The following TMEM117 variants were observed in gnomAD, a reference collection of about 807,000 sequenced individuals.
TMEM117 encodes transmembrane protein 117.
A neutral mutation model predicts 52.4 loss-of-function variants in TMEM117; 27 were observed. That is an observed-to-expected ratio of 0.51 (90% CI 0.38 to 0.71). The LOEUF is 0.71. Ranked by LOEUF, TMEM117 falls within the 30% of genes least tolerant of loss-of-function variation. The probability of loss-of-function intolerance (pLI) is 0.00; values close to 1 mark genes in which losing one functional copy is unlikely to be tolerated. For missense variants in TMEM117, 556 were observed against 630.5 expected, an observed-to-expected ratio of 0.88 and a Z score of 1.26; for synonymous variants, 215 against 206.3, an observed-to-expected ratio of 1.04 and a Z score of -0.36.
chr12:44,317,623 T>C (rs1951074601), intron 6 of TMEM117, among the ~76,000 whole-genome samples: 1 of 152,196 alleles, frequency 6.6e-6, no homozygotes, highest in Non-Finnish European at 1.5e-5. Flanking sequence ...CTCGAACTCC[T>C]GACCTCAGGT....
At chr12:43,884,409 G>A (rs1943954099) in intron 2 of TMEM117, among the ~76,000 whole-genome samples, 1 of 151,982 alleles carries the variant, frequency 6.6e-6, no homozygotes. Context: ...TCCCAAAAAG[G>A]CTATTTTTAG....
intron 5 of TMEM117, among the ~76,000 whole-genome samples, chr12:44,289,289 C>T (rs889337083): frequency 6.7e-6 from 1 of 149,456 alleles, no homozygotes; most frequent in Non-Finnish European, 1.5e-5. Context: ...CTTCATTCAT[C>T]CATTAATAGG....
chr12:44,277,939 T>C (rs1950534740), intron 5 of TMEM117, among the ~76,000 whole-genome samples: 1 of 151,834 alleles, frequency 6.6e-6, no homozygotes, highest in Non-Finnish European at 1.5e-5. Context: ...AATTTTTGTA[T>C]TTTTAGTAGA....
intron 3 of TMEM117, among the ~76,000 whole-genome samples, chr12:43,948,344 C>T (rs940664084): frequency 2.0e-5 from 3 of 151,616 alleles, no homozygotes; most frequent in Non-Finnish European, 4.4e-5. Context: ...CTCACTCTGT[C>T]GCCCAGGCTG....
intron 3 of TMEM117, among the ~76,000 whole-genome samples, chr12:44,066,087 A>G (rs1947217821): frequency 6.6e-6 from 1 of 152,210 alleles, no homozygotes; most frequent in Non-Finnish European, 1.5e-5. Flanking sequence ...AATGAGGTAC[A>G]GAAACAGTGC....
At chr12:43,882,804 A>T (rs191425662) in intron 2 of TMEM117, among the ~76,000 whole-genome samples, 2 of 152,204 alleles carry the variant, frequency 1.3e-5, no homozygotes, top group Non-Finnish European at 2.9e-5. Context: ...CGATGATCAG[A>T]TGTAGACTTT....
At chr12:44,347,071 C>G (rs1289308848) in intron 6 of TMEM117, among the ~76,000 whole-genome samples, 4 of 150,428 alleles carry the variant, frequency 2.7e-5, no homozygotes, top group Admixed American at 2.0e-4. Context: ...TCCAATCTGC[C>G]TTTACACACA....
intron 5 of TMEM117, among the ~76,000 whole-genome samples, chr12:44,275,727 T>C (rs994337760): frequency 2.7e-4 from 41 of 152,060 alleles, no homozygotes; most frequent in African/African-American, 9.7e-4. Flanking sequence ...TTTTCACTTA[T>C]TTTTGGGATC....
chr12:43,898,821 A>AACT (rs1469881553), intron 2 of TMEM117, among the ~76,000 whole-genome samples: 12 of 152,224 alleles, frequency 7.9e-5, no homozygotes, highest in Admixed American at 6.5e-4. Flanking sequence ...CGGAGAGTCT[A>AACT]AGAAGATCTA....
chr12:44,119,469 T>C (rs1015143471), intron 3 of TMEM117, among the ~76,000 whole-genome samples: 1 of 152,202 alleles, frequency 6.6e-6, no homozygotes, highest in Non-Finnish European at 1.5e-5. Flanking sequence ...GTGTAAACGT[T>C]TTGTTTTCAT....
intron 3 of TMEM117, among the ~76,000 whole-genome samples, chr12:44,105,018 A>G (rs1417377835): frequency 6.6e-6 from 1 of 152,024 alleles, no homozygotes; most frequent in African/African-American, 2.4e-5. Flanking sequence ...GGTGTCTGAC[A>G]TTAATTTGGG....
rs190566920 is a variant in TMEM117 at position 44,055,247 on chromosome 12, T to C, written c.411-88278T>C. On this transcript the variant is annotated intron_variant, in intron 3 of 7. Coordinates refer to ENST00000266534, the MANE Select transcript of TMEM117 (RefSeq NM_032256.3). ...TAAGAAGAGATAGGAGAATGCAGATTAGATAAAATTGTATCAAATAAAAAT... is the reference window on the plus strand; with the variant it reads ...TAAGAAGAGATAGGAGAATGCAGATCAGATAAAATTGTATCAAATAAAAAT... Among the ~76,000 whole-genome samples the C allele has an allele frequency of 5.0e-3, 763 of 152,290 alleles. 7 individuals carry two copies. Among genetic ancestry groups the C allele is most frequent in the African/African-American group, 0.017 (721 of 41,534 alleles).
At chr12:44,094,931 G>T (rs1947732515) in intron 3 of TMEM117, among the ~76,000 whole-genome samples, 1 of 152,004 alleles carries the variant, frequency 6.6e-6, no homozygotes, top group African/African-American at 2.4e-5. Flanking sequence ...AAAGTATTTG[G>T]CATTGTTTCA....
chr12:44,038,870 T>C (rs536996100), intron 3 of TMEM117, among the ~76,000 whole-genome samples: 91 of 152,360 alleles, frequency 6.0e-4, no homozygotes, highest in Non-Finnish European at 6.2e-4. Context: ...TTCAAACACA[T>C]GTAAAAGTAG....
intron 6 of TMEM117, among the ~76,000 whole-genome samples, chr12:44,362,134 A>G (rs1007705479): frequency 6.6e-6 from 1 of 151,884 alleles, no homozygotes; most frequent in Non-Finnish European, 1.5e-5. Context: ...CTCAATCCCT[A>G]GTTTATTTCC....
intron 5 of TMEM117, among the ~76,000 whole-genome samples, chr12:44,215,068 ATTTTGCTT>A (rs1949698042): frequency 6.6e-6 from 1 of 152,138 alleles, no homozygotes; most frequent in Non-Finnish European, 1.5e-5. Context: ...TTTTCTTTTG[ATTTTGCTT>A]TAGTTAAGGA....
At chr12:44,214,291 A>G (rs1443288119) in intron 5 of TMEM117, among the ~76,000 whole-genome samples, 2 of 151,660 alleles carry the variant, frequency 1.3e-5, no homozygotes, top group Non-Finnish European at 2.9e-5. Flanking sequence ...GATTACAGGC[A>G]CGTACCACCA....
chr12:44,250,169 G>C (rs1041782287), intron 5 of TMEM117, among the ~76,000 whole-genome samples: 1 of 152,060 alleles, frequency 6.6e-6, no homozygotes, highest in Non-Finnish European at 1.5e-5. Flanking sequence ...CCATCAAAAA[G>C]TGGGCAAAGG....
At chr12:44,200,241 A>G (rs1342818822) in intron 4 of TMEM117, among the ~76,000 whole-genome samples, 1 of 152,132 alleles carries the variant, frequency 6.6e-6, no homozygotes, top group Non-Finnish European at 1.5e-5. Flanking sequence ...AGTCAGATAA[A>G]CCCAATGTTT....
Sources: gnomAD v4.1 joint callset for allele counts (sites outside exome capture counted in the v4.1 genomes callset) on GRCh38, gnomAD v4.1.1 for gene constraint, MANE v1.5 for transcripts, NCBI Gene and HGNC (gene_info 2026-07-23, HGNC 2026-07-21) for gene names.